GTF3C2: variants seen among roughly 807,000 people sequenced by gnomAD.
GTF3C2 encodes the protein general transcription factor 3C polypeptide 2.
A neutral mutation model predicts 117.4 loss-of-function variants in GTF3C2; 17 were observed. That is an observed-to-expected ratio of 0.14 (90% CI 0.10 to 0.22). The LOEUF is 0.22. GTF3C2 is among the 10% of genes least tolerant of loss of function. The pLI, the probability that GTF3C2 is intolerant of heterozygous loss-of-function variation, is 1.00. For missense variants in GTF3C2, 888 were observed against 1,143.6 expected, an observed-to-expected ratio of 0.78 and a Z score of 3.22; for synonymous variants, 437 against 427.0, an observed-to-expected ratio of 1.02 and a Z score of -0.29.
At chr2:27,332,581 A>AT (rs1209848342) in intron 12 of GTF3C2, among the ~76,000 whole-genome samples, 3 of 151,186 alleles carry the variant, frequency 2.0e-5, no homozygotes, top group African/African-American at 7.3e-5. Context: ...CGCCCGGGGA[A>AT]TTTTTTGTAT....
rs200557722 is a variant in GTF3C2 at position 27,328,614 on chromosome 2, A to C, written c.2128-18T>G. 2.2e-5 allele frequency: 36 copies of C among 1,600,180 alleles called. No homozygotes were observed. The highest frequency in any genetic ancestry group is 2.0e-5 in the Non-Finnish European group (23 of 1,167,952). On this transcript the variant is annotated intron_variant, in intron 15 of 18. Transcript: ENST00000264720. The stretch of plus-strand genomic sequence containing the variant: ...GAAAGACTCTAATAGAAAGAGACAG[A>C]TTTCATTCATTCATATATTCATTCA...
At chr2:27,353,910 A>C (rs1681230259) in intron 1 of GTF3C2, among the ~76,000 whole-genome samples, 1 of 151,886 alleles carries the variant, frequency 6.6e-6, no homozygotes, top group Non-Finnish European at 1.5e-5. Context: ...TTTTGTAGAG[A>C]CAGGGTCTCA....
chr2:27,333,500 G>T, intron 12 of GTF3C2, 155 bp downstream of exon 12: 1 of 601,804 alleles, frequency 1.7e-6, no homozygotes, highest in South Asian at 2.2e-5. Context: ...AAATAGTCTA[G>T]TGACTTATTT....
intron 12 of GTF3C2, among the ~76,000 whole-genome samples, chr2:27,332,347 C>T (rs1680303055): frequency 6.6e-6 from 1 of 151,510 alleles, no homozygotes; most frequent in South Asian, 2.1e-4. Flanking sequence ...TCTAATCTTT[C>T]TATTTTTATC....
intron 15 of GTF3C2, 109 bp from the exon 16 acceptor site, chr2:27,328,705 A>C: frequency 9.0e-7 from 1 of 1,116,884 alleles, no homozygotes. Flanking sequence ...TGAGTTTACC[A>C]TAACCGACAG....
At chr2:27,337,378 AG>A (rs1407504210) in intron 6 of GTF3C2, 36 bp from the exon 7 acceptor site, 3 of 1,521,954 alleles carry the variant, frequency 2.0e-6, no homozygotes, top group Non-Finnish European at 2.7e-6. Flanking sequence ...TAAATTTGGA[AG>A]TGTTTCACCC....
chr2:27,336,117 A>C (rs1193119752), intron 8 of GTF3C2, 81 bp downstream of exon 8: 2 of 1,414,538 alleles, frequency 1.4e-6, no homozygotes, highest in Non-Finnish European at 2.0e-6. Context: ...AGCCCAATCC[A>C]AGCCCTTCCC....
In GTF3C2 at chr2:27,326,634, T is replaced by A. The variant is rs534621889; in HGVS notation, c.*41A>T. ...GGCTCTGTGCATAGGGGCCATTTGT[T>A]CTTGACCGACTTCACTCCAAGGATC... On this transcript the variant is annotated 3_prime_UTR_variant, in exon 19 of 19. Coordinates refer to ENST00000264720, the Ensembl canonical transcript of GTF3C2. 12 of 1,483,154 alleles carry A rather than the reference T, an allele frequency of 8.1e-6. No homozygotes were observed. In the Admixed American group the frequency reaches 1.9e-4, roughly 23 times the overall value. The allele number at this position is 1,483,154 out of a possible 1,614,324, so 91.9% of individuals were successfully genotyped here.
chr2:27,355,587 C>T (rs1248236104), intron 1 of GTF3C2, among the ~76,000 whole-genome samples: 1 of 151,856 alleles, frequency 6.6e-6, no homozygotes, highest in African/African-American at 2.4e-5. Flanking sequence ...ATTCTGGATA[C>T]ACAGTAAAGG....
chr2:27,350,280 A>T, intron 1 of GTF3C2: 1 of 335,552 alleles, frequency 3.0e-6, no homozygotes, highest in Non-Finnish European at 4.2e-6. Flanking sequence ...CAAATTTGTT[A>T]AAATGCAAAT....
chr2:27,356,474 C>A (rs1681388380), intron 1 of GTF3C2: 4 of 238,354 alleles, frequency 1.7e-5, no homozygotes, highest in African/African-American at 8.8e-5. Context: ...TACGCCCGGA[C>A]ACAGGCTTCC....
intron 1 of GTF3C2, among the ~76,000 whole-genome samples, chr2:27,348,071 C>T (rs908926352): frequency 3.3e-5 from 5 of 152,200 alleles, no homozygotes; most frequent in African/African-American, 9.6e-5. Context: ...GAGTTTGAGA[C>T]CACCTGGCCA....
chr2:27,339,415 AAAAAAAAAAAAAG>A lies in GTF3C2; in HGVS notation c.856-1408_856-1396del, dbSNP rs1160036993. 2.0e-5 allele frequency among the ~76,000 whole-genome samples: 3 copies of A among 150,812 alleles called. No individual in the cohort carries two copies. The East Asian group carries it at 5.8e-4, about 29-fold the overall frequency. ...TAAGAGCGAAACTCCGTCTCAAAAA[AAAAAAAAAAAAAG>A]AAAAAAAAAATCAGTAAAGATCCTG... On this transcript the variant is annotated intron_variant, in intron 4 of 18. Transcript: ENST00000264720.
chr2:27,342,678 AAG>A (rs1680776856), intron 3 of GTF3C2, 146 bp downstream of exon 3: 3 of 634,208 alleles, frequency 4.7e-6, no homozygotes, highest in Admixed American at 5.7e-5. Context: ...GTGCTGCGGT[AAG>A]AGCCTAAAGG....
At position 27,329,259 on chromosome 2, in the gene GTF3C2, C is replaced by T. The variant is rs1268486729; in HGVS notation, c.1901G>A (p.Ser634Asn). 1 of 1,614,220 alleles carries T rather than the reference C, an allele frequency of 6.2e-7. No individual in the cohort carries two copies. The highest frequency in any genetic ancestry group is 1.7e-5 in the Admixed American group (1 of 60,034). The change falls in exon 14 of 19, where the codon AGT becomes AAT. Residue 634 changes from serine (S) to asparagine (N), a missense_variant. Transcript: ENST00000264720. This position sits in a 1 kb window ranked among gnomAD's most constrained non-coding sequence, Gnocchi z 4.5. Reference sequence around the variant, plus strand: ...GTCCCAGAATTTGATTTTCCGGTCACTCCCCGCAGAGACAAGGAAATGGCT... The same window carrying T: ...GTCCCAGAATTTGATTTTCCGGTCATTCCCCGCAGAGACAAGGAAATGGCT...
chr2:27,349,136 CTGATT>C (rs753607696), intron 1 of GTF3C2, among the ~76,000 whole-genome samples: 1,693 of 114,092 alleles, frequency 0.015, 47 homozygotes, highest in Middle Eastern at 0.07. Context: ...TGTGCCCAGC[CTGATT>C]TGATTTTTTT....
chr2:27,355,692 C>T (rs1681347072), intron 1 of GTF3C2, among the ~76,000 whole-genome samples: 2 of 152,148 alleles, frequency 1.3e-5, no homozygotes, highest in Admixed American at 6.6e-5. Context: ...GCCAGCTTGA[C>T]CTCCCCAGCC....
chr2:27,333,026 T>A (rs1015165267), intron 12 of GTF3C2, among the ~76,000 whole-genome samples: 1 of 152,088 alleles, frequency 6.6e-6, no homozygotes, highest in Non-Finnish European at 1.5e-5. Context: ...ATTTTATTAT[T>A]TTTAATGATG....
intron 5 of GTF3C2, 22 bp from the exon 6 acceptor site, chr2:27,337,580 T>G: frequency 1.3e-6 from 2 of 1,520,572 alleles, no homozygotes; most frequent in Non-Finnish European, 1.8e-6. Context: ...GAAGAAGCAT[T>G]AATGAAGGAG....
Sources: allele counts gnomAD v4.1 joint callset (sites outside exome capture counted in the v4.1 genomes callset), GRCh38; gene constraint gnomAD v4.1.1; non-coding constraint Gnocchi (gnomAD v3.1); transcripts MANE v1.5; gene names NCBI Gene and HGNC (gene_info 2026-07-23, HGNC 2026-07-21).